The following CCDC47 variants were observed in gnomAD, a reference collection of about 807,000 sequenced individuals.
The protein encoded by CCDC47 is PAT complex subunit CCDC47.
CCDC47 carries 41 observed loss-of-function variants against 60.5 expected under a neutral mutation model. The ratio of observed to expected loss-of-function variants is 0.68; its 90% CI spans 0.53 to 0.88. CCDC47 has a LOEUF of 0.88. Ranked by LOEUF, CCDC47 falls within the 40% of genes least tolerant of loss-of-function variation. The pLI is 0.00. For missense variants in CCDC47, 513 were observed against 580.9 expected, an observed-to-expected ratio of 0.88 and a Z score of 1.20; for synonymous variants, 195 against 190.7, an observed-to-expected ratio of 1.02 and a Z score of -0.18.
At chr17:63,761,517 T>TAAAAAAAAA in intron 4 of CCDC47, 166 bp from the exon 5 acceptor site, 1 of 191,624 alleles carries the variant, frequency 5.2e-6, no homozygotes, top group Non-Finnish European at 9.3e-6. Context: ...CTGTCCCTAC[T>TAAAAAAAAA]AAAAAAAAAA....
intron 1 of CCDC47, chr17:63,766,773 T>C (rs1480061288): frequency 3.2e-6 from 3 of 943,298 alleles, no homozygotes; most frequent in Non-Finnish European, 3.8e-6. Flanking sequence ...TCTGTCCATT[T>C]ACATAGAGTA....
At chr17:63,771,847 C>T (rs543890775) in intron 1 of CCDC47, among the ~76,000 whole-genome samples, 8 of 152,112 alleles carry the variant, frequency 5.3e-5, no homozygotes, top group African/African-American at 1.7e-4. Flanking sequence ...TTTGGGAGGC[C>T]GAGGTGGGTG....
In CCDC47 at chr17:63,764,754, T is replaced by C. The variant is rs1309060560; in HGVS notation, c.358A>G (p.Ile120Val). ...DTSSSKNKDPITIVDVPAHLQ... is the reference protein window; with the variant it reads ...DTSSSKNKDPVTIVDVPAHLQ... ...TGGATACCTACATCAACAATCGTTATTGGGTCTTTATTTTTGCTAGAAGAA... is the reference window on the plus strand; with the variant it reads ...TGGATACCTACATCAACAATCGTTACTGGGTCTTTATTTTTGCTAGAAGAA... The change falls in exon 3 of 13, where the codon ATA becomes GTA. Residue 120 changes from isoleucine (I) to valine (V), a missense_variant. By Grantham distance (29) the Ile-to-Val change is conservative. Transcript: ENST00000225726. 3 of 1,612,804 alleles carry C rather than the reference T, an allele frequency of 1.9e-6. No individual in the cohort carries two copies. The highest frequency in any genetic ancestry group is 2.2e-5 in the South Asian group (2 of 90,884).
chr17:63,761,269 A>G lies in CCDC47; in HGVS notation c.630T>C (p.Ser210=). 2 of 1,614,144 alleles carry G rather than the reference A, an allele frequency of 1.2e-6. No homozygotes were observed. Among genetic ancestry groups the G allele is most frequent in the Middle Eastern group, 1.6e-4 (1 of 6,062 alleles). Residue 210 remains serine, a synonymous_variant, in exon 5 of 13, where the codon TCT becomes TCC. Transcript: ENST00000225726. ...ENEHIYNLWC[S]GRVCCEGMLI... ...GCATGCCCTCACAGCACACTCGACC[A>G]GAACACCACAGGTTATAGATGTGCT...
intron 1 of CCDC47, among the ~76,000 whole-genome samples, chr17:63,769,529 G>A (rs1054379759): frequency 4.7e-5 from 7 of 148,292 alleles, no homozygotes; most frequent in Non-Finnish European, 7.4e-5. Context: ...CAGGAGGATC[G>A]CTTGAATCAG....
chr17:63,756,836 T>C (rs971652516), intron 6 of CCDC47, among the ~76,000 whole-genome samples: 1 of 152,202 alleles, frequency 6.6e-6, no homozygotes, highest in Non-Finnish European at 1.5e-5. Flanking sequence ...AAAGGGACTA[T>C]AGCCCTACTT....
intron 6 of CCDC47, among the ~76,000 whole-genome samples, chr17:63,757,839 T>C (rs1448989037): frequency 6.6e-6 from 1 of 152,206 alleles, no homozygotes; most frequent in East Asian, 1.9e-4. Flanking sequence ...TAATCACACC[T>C]GAGTTTATTC....
chr17:63,765,723 A>C (rs1264404496), intron 2 of CCDC47, 189 bp downstream of exon 2: 2 of 1,399,554 alleles, frequency 1.4e-6, no homozygotes, highest in Non-Finnish European at 1.9e-6. Context: ...GTTTCAATAG[A>C]AGAACACAAT....
chr17:63,770,829 T>C (rs1448593778), intron 1 of CCDC47, among the ~76,000 whole-genome samples: 1 of 150,930 alleles, frequency 6.6e-6, no homozygotes, highest in African/African-American at 2.4e-5. Context: ...CGACTAAAAA[T>C]ACCAAAAAAT....
Position 63,754,493 on chromosome 17 carries a change from G to A in CCDC47, c.974C>T (p.Ala325Val), listed in dbSNP as rs2039190349. The change falls in exon 9 of 13, where the codon GCT (alanine) becomes GTT (valine). Residue 325 changes from alanine to valine, a missense_variant. Physicochemically the swap from Ala to Val is moderately conservative, Grantham distance 64 (BLOSUM62 0). Coordinates refer to ENST00000225726, the MANE Select transcript of CCDC47 (RefSeq NM_020198.3). ...AAAATGAACAGATTCAATCTTGTCA[G>A]CATAGTGTGTAAGAAAGTGAACCAT... ...TKMVHFLTHYADKIESVHFSD... is the reference protein window; with the variant it reads ...TKMVHFLTHYVDKIESVHFSD... The A allele has an allele frequency of 1.2e-6, 2 of 1,608,452 alleles. No individual in the cohort carries two copies. Among genetic ancestry groups the A allele is most frequent in the Non-Finnish European group, 1.7e-6 (2 of 1,176,904 alleles).
At chr17:63,772,531 A>G (rs2039354576) in intron 1 of CCDC47, among the ~76,000 whole-genome samples, 1 of 151,950 alleles carries the variant, frequency 6.6e-6, no homozygotes, top group African/African-American at 2.4e-5. Context: ...GGGATTACAG[A>G]CGTGGGCCAC....
At position 63,753,672 on chromosome 17, in the gene CCDC47, T is replaced by C. The variant is rs574003096; in HGVS notation, c.1034+761A>G. ...TATAAAGCTAGAAACCCTATGGACA[T>C]TGTGGGCTTCTATGCTAGGAAAGGA... On this transcript the variant is annotated intron_variant, in intron 9 of 12. Coordinates refer to ENST00000225726, the MANE Select transcript of CCDC47 (RefSeq NM_020198.3). The C allele has an allele frequency of 4.1e-5, 40 of 975,922 alleles. No individual in the cohort carries two copies. In the East Asian group the frequency reaches 2.6e-3, roughly 64 times the overall value. The allele number at this position is 975,922 out of a possible 1,614,324, so 60.5% of individuals were successfully genotyped here.
intron 1 of CCDC47, among the ~76,000 whole-genome samples, chr17:63,771,259 G>C (rs544600206): frequency 1.3e-5 from 2 of 152,000 alleles, no homozygotes; most frequent in African/African-American, 4.8e-5. Flanking sequence ...GGTATTATAA[G>C]TAATCTAGAG....
At chr17:63,773,055 T>C (rs538168704) in intron 1 of CCDC47, among the ~76,000 whole-genome samples, 1 of 152,354 alleles carries the variant, frequency 6.6e-6, no homozygotes, top group African/African-American at 2.4e-5. Flanking sequence ...AAAACGAGTA[T>C]TCTGGAAATC....
intron 4 of CCDC47, chr17:63,762,121 T>A (rs1318000851): frequency 2.0e-6 from 2 of 984,818 alleles, no homozygotes; most frequent in East Asian, 2.3e-4. Flanking sequence ...TTACTAATGG[T>A]ATTAAGAGTT....
chr17:63,747,412 C>G (rs2039128897), intron 12 of CCDC47: 3 of 984,508 alleles, frequency 3.0e-6, no homozygotes, highest in Non-Finnish European at 3.6e-6. Flanking sequence ...TTCTTATTAG[C>G]ACAGACACCA....
intron 12 of CCDC47, chr17:63,751,723 A>C: frequency 3.2e-6 from 2 of 624,090 alleles, no homozygotes; most frequent in South Asian, 1.9e-5. Flanking sequence ...GGAACAGGAT[A>C]ATACTGATAA....
At chr17:63,760,022 CCACTG>C (rs968379289) in intron 6 of CCDC47, among the ~76,000 whole-genome samples, 7 of 136,200 alleles carry the variant, frequency 5.1e-5, no homozygotes, top group Non-Finnish European at 1.1e-4. Context: ...CGAGATTGCA[CCACTG>C]CACTCCAGCC....
intron 6 of CCDC47, among the ~76,000 whole-genome samples, chr17:63,758,160 C>A (rs1340310784): frequency 6.6e-6 from 1 of 152,112 alleles, no homozygotes; most frequent in East Asian, 1.9e-4. Context: ...TATAATAAAC[C>A]AGTAAATATA....
Sources: allele counts gnomAD v4.1 joint callset (sites outside exome capture counted in the v4.1 genomes callset), GRCh38; gene constraint gnomAD v4.1.1; transcripts MANE v1.5; gene names NCBI Gene and HGNC (gene_info 2026-07-23, HGNC 2026-07-21).